The following ADGRL2 variants were observed in gnomAD, a reference collection of about 807,000 sequenced individuals.
ADGRL2 encodes the protein adhesion G protein-coupled receptor L2, also known as calcium-independent alpha-latrotoxin receptor 2.
Under a neutral mutation model 157.4 loss-of-function variants are expected in ADGRL2, and 44 were observed. That is an observed-to-expected ratio of 0.28 (90% confidence interval 0.22 to 0.36). The LOEUF is 0.36. ADGRL2 is among the 10% of genes least tolerant of loss of function. ADGRL2 has a pLI of 1.00. For missense variants in ADGRL2, 1,510 were observed against 1,768.9 expected (o/e 0.85, Z 2.63); for synonymous variants, 585 against 624.7 (o/e 0.94, Z 0.95).
intron 1 of ADGRL2, among the ~76,000 whole-genome samples, chr1:81,831,508 C>T (rs2091942853): frequency 6.6e-6 from 1 of 152,006 alleles, no homozygotes; most frequent in South Asian, 2.1e-4. Context: ...GTTATCTGGT[C>T]TACATAATTA....
intron 1 of ADGRL2, chr1:81,723,076 C>G: frequency 1.4e-6 from 1 of 722,378 alleles, no homozygotes; most frequent in South Asian, 1.4e-5. Flanking sequence ...GCACAGTGCC[C>G]TTCTGATAAA....
intron 3 of ADGRL2, among the ~76,000 whole-genome samples, chr1:81,690,038 ACT>A (rs929976013): frequency 4.6e-5 from 7 of 152,104 alleles, no homozygotes; most frequent in Non-Finnish European, 1.0e-4. Context: ...ACCCCAACTT[ACT>A]TACTCACAGG....
intron 9 of ADGRL2, 83 bp downstream of exon 9, chr1:81,952,225 C>G: frequency 1.7e-6 from 2 of 1,178,920 alleles, no homozygotes; most frequent in East Asian, 5.2e-5. Flanking sequence ...AGAGCCAAAT[C>G]TTTGGCCCCG....
intron 1 of ADGRL2, among the ~76,000 whole-genome samples, chr1:81,741,210 AAAAAC>A (rs780069476): frequency 2.6e-5 from 4 of 152,022 alleles, no homozygotes; most frequent in African/African-American, 9.7e-5. Flanking sequence ...TAGGAAATGG[AAAAAC>A]AAAACAAAAC....
At chr1:81,844,367 T>C (rs2092707233) in intron 2 of ADGRL2, among the ~76,000 whole-genome samples, 2 of 152,218 alleles carry the variant, frequency 1.3e-5, no homozygotes, top group Non-Finnish European at 2.9e-5. Flanking sequence ...GCATTGAAGC[T>C]CTTCATTTTT....
At chr1:81,619,293 G>T (rs1456135413) in intron 3 of ADGRL2, among the ~76,000 whole-genome samples, 1 of 149,836 alleles carries the variant, frequency 6.7e-6, no homozygotes, top group Non-Finnish European at 1.5e-5. Context: ...TTTTTTTAAG[G>T]TGTCTGCCTT....
Position 81,707,824 on chromosome 1 carries a change from C to T in ADGRL2, c.-143+8016C>T, listed in dbSNP as rs971485354. Among the ~76,000 whole-genome samples the T allele has an allele frequency of 1.1e-4, 16 of 152,094 alleles. 1 individual carries two copies. The highest frequency in any genetic ancestry group is 3.1e-4 in the African/African-American group (13 of 41,486). On this transcript the variant is annotated intron_variant, in intron 1 of 20. Transcript: ENST00000359929. ...CTCCTCTTCAACTACATGCAGATAC[C>T]CCTTTAAGAGTGCAGCTGAGGTGTG...
At chr1:81,386,341 G>A (rs1196885436) in intron 1 of ADGRL2, among the ~76,000 whole-genome samples, 1 of 152,094 alleles carries the variant, frequency 6.6e-6, no homozygotes, top group African/African-American at 2.4e-5. Context: ...TGTGTGGTAA[G>A]GTAACAATTG....
chr1:81,453,493 G>C lies in ADGRL2; in HGVS notation c.-248+8404G>C, dbSNP rs1256537975. Among the ~76,000 whole-genome samples, 3 of 152,080 alleles carry C rather than the reference G, an allele frequency of 2.0e-5. 1 individual carries two copies. The highest frequency in any genetic ancestry group is 7.2e-5 in the African/African-American group (3 of 41,420). ...CACTTAAGAGTTCTAGTGGTGGGGAGACTCACATATGTACCTAGAGAGAGA... is the reference window on the plus strand; with the variant it reads ...CACTTAAGAGTTCTAGTGGTGGGGACACTCACATATGTACCTAGAGAGAGA... On this transcript the variant is annotated intron_variant, in intron 2 of 24. Transcript: ENST00000370721.
chr1:81,642,791 A>G (rs1355560369), intron 3 of ADGRL2, among the ~76,000 whole-genome samples: 1 of 152,226 alleles, frequency 6.6e-6, no homozygotes, highest in Non-Finnish European at 1.5e-5. Flanking sequence ...ATCAATTAAT[A>G]TAATAATCAC....
At chr1:81,840,734 A>G (rs950122293) in intron 2 of ADGRL2, among the ~76,000 whole-genome samples, 5 of 152,150 alleles carry the variant, frequency 3.3e-5, no homozygotes, top group South Asian at 2.1e-4. Context: ...CTTTCCTACA[A>G]CGTATTTTGG....
chr1:81,646,779 T>C (rs1018981132), intron 3 of ADGRL2, among the ~76,000 whole-genome samples: 6 of 152,192 alleles, frequency 3.9e-5, no homozygotes, highest in African/African-American at 1.4e-4. Flanking sequence ...CCAGGATTCA[T>C]TTTGAAGAAA....
At chr1:81,939,671 A>G (rs1001104653) in intron 4 of ADGRL2, among the ~76,000 whole-genome samples, 1 of 151,458 alleles carries the variant, frequency 6.6e-6, no homozygotes, top group Non-Finnish European at 1.5e-5. Flanking sequence ...TGTTTGGTCT[A>G]AAGAAAAGTA....
intron 6 of ADGRL2, among the ~76,000 whole-genome samples, chr1:81,949,466 G>A (rs1445327049): frequency 1.3e-5 from 2 of 152,176 alleles, no homozygotes; most frequent in Non-Finnish European, 2.9e-5. Flanking sequence ...AGATATGAAG[G>A]GTTGGTTTGA....
chr1:81,670,226 C>A (rs1472675438), intron 3 of ADGRL2, among the ~76,000 whole-genome samples: 1 of 152,156 alleles, frequency 6.6e-6, no homozygotes, highest in Non-Finnish European at 1.5e-5. Flanking sequence ...CTTATTTTCA[C>A]GTGATTCTCC....
chr1:81,822,654 A>G (rs962157566), intron 1 of ADGRL2, among the ~76,000 whole-genome samples: 3 of 152,144 alleles, frequency 2.0e-5, no homozygotes, highest in Non-Finnish European at 2.9e-5. Flanking sequence ...CTAGGGCTAT[A>G]GGCCTGCGCC....
intron 2 of ADGRL2, among the ~76,000 whole-genome samples, chr1:81,854,871 G>A (rs917962671): frequency 6.6e-6 from 1 of 152,070 alleles, no homozygotes; most frequent in Admixed American, 6.6e-5. Context: ...GAAGGTGAGG[G>A]GTGACAAAAG....
chr1:81,800,419 C>T (rs2087857868), upstream of ADGRL2: 1 of 152,154 alleles, frequency 6.6e-6, no homozygotes, highest in African/African-American at 2.4e-5. Flanking sequence ...GTTCTTTCTC[C>T]TCCATGCAGT....
At chr1:81,717,092 G>A (rs910055995) in intron 1 of ADGRL2, among the ~76,000 whole-genome samples, 3 of 152,068 alleles carry the variant, frequency 2.0e-5, no homozygotes, top group Admixed American at 6.6e-5. Flanking sequence ...ATTTAGCATC[G>A]GTTGGTCATG....
Sources: gnomAD v4.1 joint callset for allele counts (sites outside exome capture counted in the v4.1 genomes callset) on GRCh38, gnomAD v4.1.1 for gene constraint, MANE v1.5 for transcripts, NCBI Gene and HGNC (gene_info 2026-07-23, HGNC 2026-07-21) for gene names.